INO80C: variants seen among roughly 807,000 people sequenced by gnomAD.
INO80C encodes INO80 complex subunit C.
Under a neutral mutation model 17.7 loss-of-function variants are expected in INO80C, and 17 were observed. That is an observed-to-expected ratio of 0.96 (90% CI 0.66 to 1.44). INO80C has a LOEUF of 1.44. Ranked by LOEUF, INO80C falls within the 40% of genes most tolerant of loss-of-function variation. INO80C has a pLI of 0.00. For synonymous variants in INO80C, 96 were observed against 95.8 expected (o/e 1.00, Z -0.01); for missense variants, 244 against 245.0 (o/e 1.00, Z 0.03).
chr18:35,479,167 G>T, intron 3 of INO80C, 133 bp downstream of exon 3: 1 of 622,464 alleles, frequency 1.6e-6, no homozygotes, highest in Non-Finnish European at 2.9e-6. Context: ...TGCCCAGACT[G>T]ATGCCACTAT....
chr18:35,482,304 C>T (rs1311515508), intron 1 of INO80C, among the ~76,000 whole-genome samples: 1 of 152,178 alleles, frequency 6.6e-6, no homozygotes, highest in Non-Finnish European at 1.5e-5. Flanking sequence ...ATTTTAGCAA[C>T]TTATTCTGGT....
chr18:35,478,255 T>C, intron 4 of INO80C, 27 bp downstream of exon 4: 3 of 1,475,708 alleles, frequency 2.0e-6, no homozygotes, highest in Non-Finnish European at 2.8e-6. Context: ...TTCCATTTAA[T>C]GTTATAAGAG....
chr18:35,485,238 A>T (rs1002967090), intron 1 of INO80C, among the ~76,000 whole-genome samples: 1 of 152,204 alleles, frequency 6.6e-6, no homozygotes, highest in Non-Finnish European at 1.5e-5. Context: ...CACCCAAAAA[A>T]TGATAGGGGC....
At chr18:35,475,768 A>G (rs180976473) in intron 4 of INO80C, among the ~76,000 whole-genome samples, 2 of 152,344 alleles carry the variant, frequency 1.3e-5, no homozygotes, top group East Asian at 3.9e-4. Flanking sequence ...AGAAAAGCAC[A>G]GTAAATTGTT....
chr18:35,470,556 G>A (rs761802393), intron 4 of INO80C, among the ~76,000 whole-genome samples: 1 of 152,132 alleles, frequency 6.6e-6, no homozygotes, highest in Non-Finnish European at 1.5e-5. Context: ...TGTGTCTGGC[G>A]TGGACCATCT....
In INO80C at chr18:35,497,855, A is replaced by T. The variant is rs201302451; in HGVS notation, c.20T>A (p.Ile7Asn). ...TCCGGGAGTGGAAGTGGTGGCCACA[A>T]TTGGAATTTGCGCCGCCATCGCACT... is the stretch of plus-strand genomic sequence containing the variant. MAAQIP[I>N]VATTSTPGIV... The change falls in exon 1 of 5, where the codon ATT becomes AAT. Residue 7 changes from isoleucine to asparagine, a missense_variant. Physicochemically the swap from Ile to Asn is moderately radical, Grantham distance 149. Coordinates refer to ENST00000334598, the MANE Select transcript of INO80C (RefSeq NM_194281.4). 4 of 1,580,512 alleles carry T rather than the reference A, an allele frequency of 2.5e-6. No individual in the cohort carries two copies. The highest frequency in any genetic ancestry group is 3.4e-6 in the Non-Finnish European group (4 of 1,160,760).
intron 1 of INO80C, among the ~76,000 whole-genome samples, chr18:35,484,343 G>C (rs1289500114): frequency 6.6e-6 from 1 of 152,166 alleles, no homozygotes; most frequent in East Asian, 1.9e-4. Flanking sequence ...AGAGGTGTGG[G>C]TAGTGCAGGT....
Position 35,473,039 on chromosome 18 carries a change from A to G in INO80C, c.448-4297T>C, listed in dbSNP as rs528871862. Among the ~76,000 whole-genome samples, 8 of 152,310 alleles carry G rather than the reference A, an allele frequency of 5.3e-5. No individual in the cohort carries two copies. In the South Asian group the frequency reaches 1.7e-3, roughly 32 times the overall value. On this transcript the variant is annotated intron_variant, in intron 4 of 4. Transcript: ENST00000334598. ...TGCCAATGTCATAAAGGGGCCTGGA[A>G]TAATGATTCTCCCTCCTCCTAATGT...
chr18:35,483,202 C>T (rs544962596), intron 1 of INO80C, among the ~76,000 whole-genome samples: 45 of 151,982 alleles, frequency 3.0e-4, no homozygotes, highest in Non-Finnish European at 4.6e-4. Context: ...ACTTTTATTG[C>T]TTGTATGATT....
At chr18:35,475,686 T>A (rs58439167) in intron 4 of INO80C, among the ~76,000 whole-genome samples, 7,654 of 145,138 alleles carry the variant, frequency 0.053, 748 homozygotes, top group East Asian at 0.43. Flanking sequence ...AAAAAAAAAA[T>A]GAAGAAGAAA....
chr18:35,493,018 C>T (rs537600640), intron 1 of INO80C, among the ~76,000 whole-genome samples: 1 of 152,054 alleles, frequency 6.6e-6, no homozygotes, highest in Non-Finnish European at 1.5e-5. Flanking sequence ...TCAAGAGAGG[C>T]AGTTAAGAAA....
intron 3 of INO80C, chr18:35,478,977 C>G: frequency 4.4e-6 from 1 of 225,618 alleles, no homozygotes; most frequent in South Asian, 8.9e-5. Flanking sequence ...TGGTATTATA[C>G]TTGGGCTACC....
At chr18:35,497,382 G>A (rs1567991918) in intron 1 of INO80C, 6 of 1,078,332 alleles carry the variant, frequency 5.6e-6, no homozygotes, top group Non-Finnish European at 6.8e-6. Context: ...CAGAATGGAC[G>A]AGGGGAAGAC....
intron 1 of INO80C, among the ~76,000 whole-genome samples, chr18:35,495,231 C>T (rs755725576): frequency 6.6e-6 from 1 of 152,170 alleles, no homozygotes; most frequent in African/African-American, 2.4e-5. Context: ...GAGTTTGAGA[C>T]GAGCTTGGGT....
intron 1 of INO80C, chr18:35,496,809 G>A (rs796119553): frequency 1.3e-5 from 2 of 152,338 alleles, no homozygotes; most frequent in African/African-American, 4.8e-5. Flanking sequence ...ACAGGCGTGA[G>A]ACAGGATTCT....
chr18:35,497,591 G>A (rs1351895127), intron 1 of INO80C, 128 bp downstream of exon 1: 3 of 1,433,868 alleles, frequency 2.1e-6, no homozygotes, highest in African/African-American at 2.9e-5. Flanking sequence ...CCGCGGGGCA[G>A]CGTCTTTCAA....
intron 4 of INO80C, among the ~76,000 whole-genome samples, chr18:35,474,978 TAGA>T (rs969071580): frequency 5.9e-5 from 9 of 152,242 alleles, no homozygotes; most frequent in African/African-American, 1.7e-4. Context: ...ACTGGAATCC[TAGA>T]AGAAGGGAAA....
chr18:35,475,613 C>T (rs1019255495), intron 4 of INO80C, among the ~76,000 whole-genome samples: 2 of 151,670 alleles, frequency 1.3e-5, no homozygotes, highest in African/African-American at 4.8e-5. Context: ...AAGACGGCTG[C>T]AGTGAGCCAA....
chr18:35,494,524 T>C (rs187678410), intron 1 of INO80C, among the ~76,000 whole-genome samples: 1 of 152,298 alleles, frequency 6.6e-6, no homozygotes, highest in Admixed American at 6.5e-5. Context: ...TAGCTGGCTC[T>C]GAAAATGGAA....
Sources: allele counts gnomAD v4.1 joint callset (sites outside exome capture counted in the v4.1 genomes callset), GRCh38; gene constraint gnomAD v4.1.1; transcripts MANE v1.5; gene names NCBI Gene and HGNC (gene_info 2026-07-23, HGNC 2026-07-21).